RHEB: variants seen among roughly 807,000 people sequenced by gnomAD.
The protein encoded by RHEB is Ras homolog, mTORC1 binding, also known as GTP-binding protein Rheb.
In RHEB, 2 loss-of-function variants were observed where a neutral mutation model predicts 28.8. The observed-to-expected ratio is 0.07, with a 90% CI of 0.03 to 0.22. The LOEUF is 0.22. Ranked by LOEUF, RHEB falls within the 10% of genes least tolerant of loss-of-function variation. The pLI, the probability that RHEB is intolerant of heterozygous loss-of-function variation, is 1.00. For missense variants in RHEB, 76 were observed against 219.9 expected (o/e 0.35, Z 4.14); for synonymous variants, 69 against 77.3 (o/e 0.89, Z 0.56).
intron 2 of RHEB, among the ~76,000 whole-genome samples, 190 bp from the exon 3 acceptor site, chr7:151,484,994 C>T (rs936834586): frequency 1.3e-5 from 2 of 152,138 alleles, no homozygotes; most frequent in African/African-American, 2.4e-5. Context: ...CTAGGAAATA[C>T]GGTGACTGGC....
At chr7:151,497,556 T>C (rs1055341565) in intron 1 of RHEB, among the ~76,000 whole-genome samples, 1 of 152,194 alleles carries the variant, frequency 6.6e-6, no homozygotes, top group African/African-American at 2.4e-5. Context: ...GCACTGAGGA[T>C]ATGGCCATGA....
chr7:151,470,850 T>C (rs1183573565), intron 6 of RHEB, among the ~76,000 whole-genome samples, 198 bp from the exon 7 acceptor site: 1 of 152,210 alleles, frequency 6.6e-6, no homozygotes, highest in South Asian at 2.1e-4. Flanking sequence ...AGAATAGACA[T>C]TGCTTTATGG....
chr7:151,495,008 T>C (rs1028667274), intron 1 of RHEB, among the ~76,000 whole-genome samples: 4 of 152,248 alleles, frequency 2.6e-5, no homozygotes, highest in Admixed American at 2.0e-4. Context: ...TCTGGAGACG[T>C]AGTTCAGATC....
chr7:151,504,948 A>T (rs1479213785), intron 1 of RHEB, among the ~76,000 whole-genome samples: 5 of 151,984 alleles, frequency 3.3e-5, no homozygotes, highest in Non-Finnish European at 7.4e-5. Context: ...CAAGTTTTTT[A>T]AAAAATCTTC....
intron 4 of RHEB, 101 bp from the exon 5 acceptor site, chr7:151,471,706 A>G: frequency 1.4e-6 from 1 of 733,748 alleles, no homozygotes; most frequent in South Asian, 1.9e-5. Context: ...TCACAGACTC[A>G]CCATTTTAAC....
intron 1 of RHEB, among the ~76,000 whole-genome samples, chr7:151,506,945 G>A (rs1467061972): frequency 6.6e-6 from 1 of 152,152 alleles, no homozygotes; most frequent in African/African-American, 2.4e-5. Context: ...AGGCTCCCAA[G>A]AACACAAAAG....
At chr7:151,494,621 C>G (rs892771869) in intron 1 of RHEB, among the ~76,000 whole-genome samples, 1 of 152,186 alleles carries the variant, frequency 6.6e-6, no homozygotes, top group Non-Finnish European at 1.5e-5. Flanking sequence ...GAATAGTAAA[C>G]TGGGATACCA....
intron 7 of RHEB, 122 bp from the exon 8 acceptor site, chr7:151,467,333 T>C: frequency 2.8e-6 from 2 of 719,202 alleles, no homozygotes; most frequent in Non-Finnish European, 4.9e-6. Context: ...GGAGGGGTTC[T>C]GGTGAGCCCC....
intron 2 of RHEB, among the ~76,000 whole-genome samples, chr7:151,486,564 C>T (rs139530034): frequency 2.0e-5 from 3 of 152,248 alleles, no homozygotes; most frequent in Non-Finnish European, 4.4e-5. Context: ...TCAGAGAGAA[C>T]GGTAGATAGC....
At chr7:151,491,977 A>G (rs1305013916) in intron 1 of RHEB, among the ~76,000 whole-genome samples, 1 of 152,344 alleles carries the variant, frequency 6.6e-6, no homozygotes, top group East Asian at 1.9e-4. Flanking sequence ...ACTTTAGAAC[A>G]GGGTACATGC....
At chr7:151,486,307 A>ATCATTCAT (rs377256723) in intron 2 of RHEB, among the ~76,000 whole-genome samples, 2 of 152,158 alleles carry the variant, frequency 1.3e-5, no homozygotes, top group African/African-American at 4.8e-5. Flanking sequence ...GAAAGGAAAC[A>ATCATTCAT]TCATTCATTC....
At chr7:151,512,804 G>C (rs1803014111) in intron 1 of RHEB, among the ~76,000 whole-genome samples, 1 of 152,188 alleles carries the variant, frequency 6.6e-6, no homozygotes, top group South Asian at 2.1e-4. Context: ...GGACCTCTAA[G>C]GGGTTTACCA....
intron 4 of RHEB, among the ~76,000 whole-genome samples, chr7:151,476,863 T>C (rs894760336): frequency 2.0e-5 from 3 of 152,250 alleles, no homozygotes; most frequent in Admixed American, 2.0e-4. Flanking sequence ...GAGGAACCGA[T>C]ATCCATTCTT....
chr7:151,490,840 C>A lies in RHEB; in HGVS notation c.124+103G>T, dbSNP rs564031725. The stretch of plus-strand genomic sequence containing the variant: ...TTTCTTTGACCCCAATTGGGAGACA[C>A]ACAGAATTTACCTCCTGCACTCAAA... On this transcript the variant is annotated intron_variant, in intron 2 of 7. Coordinates refer to ENST00000262187, the MANE Select transcript of RHEB (RefSeq NM_005614.4). The A allele has an allele frequency of 3.4e-6, 3 of 878,432 alleles. No individual in the cohort carries two copies. In the South Asian group the frequency reaches 4.1e-5, roughly 12 times the overall value. The allele number at this position is 878,432 out of a possible 1,614,324, so 54.4% of individuals were successfully genotyped here.
At chr7:151,514,807 C>T (rs1397601826) in intron 1 of RHEB, among the ~76,000 whole-genome samples, 3 of 152,064 alleles carry the variant, frequency 2.0e-5, no homozygotes, top group Non-Finnish European at 4.4e-5. Flanking sequence ...GAGACTGAGA[C>T]CAGAGGATTG....
chr7:151,471,394 CT>C lies in RHEB; in HGVS notation c.379del (p.Arg127GlyfsTer2). 6.5e-7 allele frequency: 1 copy of C among 1,548,464 alleles called. No homozygotes were observed. Among genetic ancestry groups the C allele is most frequent in the Non-Finnish European group, 8.9e-7 (1 of 1,123,986 alleles). On this transcript the variant is annotated frameshift_variant and splice_region_variant, in exon 6 of 8. Coordinates refer to ENST00000262187, the MANE Select transcript of RHEB (RefSeq NM_005614.4). LOFTEE classifies it high-confidence loss of function. ...VGNKKDLHME[R>X]VISYEEGKAL... ...ATTTGACTTTATAAAAGCTACATAC[CT>C]TTCCATATGCAGGTCTTTCTTATTC...
At chr7:151,501,848 C>G in intron 1 of RHEB, 2 of 574,606 alleles carry the variant, frequency 3.5e-6, no homozygotes, top group Non-Finnish European at 6.6e-6. Flanking sequence ...CTGCCCAGAA[C>G]TGGGCCCTTA....
chr7:151,506,660 GTAAC>G (rs1393320117), intron 1 of RHEB, among the ~76,000 whole-genome samples: 2 of 152,190 alleles, frequency 1.3e-5, no homozygotes, highest in African/African-American at 4.8e-5. Context: ...ATGACATACA[GTAAC>G]TATTTCAACT....
At chr7:151,484,499 C>T (rs1802433148) in intron 3 of RHEB, among the ~76,000 whole-genome samples, 1 of 152,090 alleles carries the variant, frequency 6.6e-6, no homozygotes, top group African/African-American at 2.4e-5. Flanking sequence ...TCGTGATAAA[C>T]CTACTGTAAA....
Sources: allele counts gnomAD v4.1 joint callset (sites outside exome capture counted in the v4.1 genomes callset), GRCh38; gene constraint gnomAD v4.1.1; transcripts MANE v1.5; gene names NCBI Gene and HGNC (gene_info 2026-07-23, HGNC 2026-07-21).